The following SIL1 variants were observed in gnomAD, a reference collection of about 807,000 sequenced individuals.
SIL1 encodes the protein SIL1 nucleotide exchange factor.
A neutral mutation model predicts 49.1 loss-of-function variants in SIL1; 40 were observed. The observed-to-expected ratio is 0.81, with a 90% CI of 0.63 to 1.06. SIL1 has a LOEUF of 1.06. Ranked by LOEUF, SIL1 falls within the 50% of genes least tolerant of loss-of-function variation. SIL1 has a pLI of 0.00. For missense variants in SIL1, 500 were observed against 572.6 expected, an observed-to-expected ratio of 0.87 and a Z score of 1.29; for synonymous variants, 253 against 250.8, an observed-to-expected ratio of 1.01 and a Z score of -0.08.
intron 5 of SIL1, among the ~76,000 whole-genome samples, chr5:139,027,603 G>A (rs1270295562): frequency 9.9e-5 from 15 of 152,018 alleles, no homozygotes; most frequent in Admixed American, 7.2e-4. Flanking sequence ...CTCAAATCTC[G>A]AACAATTTTC....
At chr5:139,052,893 G>A (rs1168128149) in intron 3 of SIL1, among the ~76,000 whole-genome samples, 1 of 152,158 alleles carries the variant, frequency 6.6e-6, no homozygotes, top group Admixed American at 6.5e-5. Flanking sequence ...AACTGGAAGG[G>A]CTGTGGGGGC....
chr5:139,059,069 T>G (rs1769525568), intron 3 of SIL1, among the ~76,000 whole-genome samples: 2 of 152,178 alleles, frequency 1.3e-5, no homozygotes, highest in African/African-American at 4.8e-5. Context: ...TATATGTATA[T>G]GTACACACAC....
intron 3 of SIL1, among the ~76,000 whole-genome samples, chr5:139,057,500 A>C (rs1028940712): frequency 6.6e-6 from 1 of 151,916 alleles, no homozygotes; most frequent in African/African-American, 2.4e-5. Flanking sequence ...CCCTCCTGGC[A>C]GTCAGAGGCC....
At position 138,947,217 on chromosome 5, in the gene SIL1, T is replaced by A. The variant is rs994932069; in HGVS notation, c.1286A>T (p.Tyr429Phe). Reference sequence around the variant, plus strand: ...CAGCTCCAGGCTGGCCAGCACCTGGTACTCAGCCTGCAGGCTGGCCAGTGT... The same window carrying A: ...CAGCTCCAGGCTGGCCAGCACCTGGAACTCAGCCTGCAGGCTGGCCAGTGT... Reference protein sequence around the residue: ...GRTLASLQAEYQVLASLELQD... With the variant: ...GRTLASLQAEFQVLASLELQD... The change falls in exon 10 of 10, where the codon TAC becomes TTC. Residue 429 changes from tyrosine to phenylalanine, a missense_variant. Coordinates refer to ENST00000394817, the MANE Select transcript of SIL1 (RefSeq NM_022464.5). This position sits in a 1 kb window ranked among gnomAD's most constrained non-coding sequence, Gnocchi z 4.1. 13 of 1,613,178 alleles carry A rather than the reference T, an allele frequency of 8.1e-6. No individual in the cohort carries two copies. The Admixed American group carries it at 2.0e-4, about 25-fold the overall frequency.
intron 3 of SIL1, among the ~76,000 whole-genome samples, chr5:139,065,828 T>C (rs1361195037): frequency 1.3e-5 from 2 of 152,236 alleles, no homozygotes; most frequent in African/African-American, 4.8e-5. Context: ...CAGAAGTATA[T>C]GGAACCTCTG....
At chr5:139,095,411 G>A (rs918228531) in intron 3 of SIL1, among the ~76,000 whole-genome samples, 3 of 151,910 alleles carry the variant, frequency 2.0e-5, no homozygotes, top group South Asian at 2.1e-4. Context: ...ACAGGCGTGC[G>A]CCACCATACC....
At chr5:138,978,139 CAG>C (rs1190360456) in intron 7 of SIL1, among the ~76,000 whole-genome samples, 2 of 152,236 alleles carry the variant, frequency 1.3e-5, no homozygotes. Flanking sequence ...TGTGTATTCA[CAG>C]AGTTGTGCAA....
At chr5:139,111,777 T>G (rs1242010653) in intron 3 of SIL1, among the ~76,000 whole-genome samples, 1 of 152,060 alleles carries the variant, frequency 6.6e-6, no homozygotes, top group Non-Finnish European at 1.5e-5. Flanking sequence ...CCAGCACAGC[T>G]CCTGGTTGGA....
intron 1 of SIL1, among the ~76,000 whole-genome samples, chr5:139,180,598 A>T (rs1265493215): frequency 1.3e-5 from 2 of 152,082 alleles, no homozygotes; most frequent in Admixed American, 6.6e-5. Flanking sequence ...ACCACAATTG[A>T]TACATACAAA....
Position 139,086,030 on chromosome 5 carries a change from AG to A in SIL1, c.245-34985del, listed in dbSNP as rs371260941. The stretch of plus-strand genomic sequence containing the variant: ...GTAATCCCAACACTTTGGGAGGCCA[AG>A]GCAGGAGGATGGCTTGAGCCCAGGA... On this transcript the variant is annotated intron_variant, in intron 3 of 9. Coordinates refer to ENST00000394817, the MANE Select transcript of SIL1 (RefSeq NM_022464.5). Among the ~76,000 whole-genome samples the A allele has an allele frequency of 6.9e-4, 105 of 151,982 alleles. No individual in the cohort carries two copies. The East Asian group carries it at 0.018, about 27-fold the overall frequency.
chr5:138,993,054 C>A (rs1767790745), intron 7 of SIL1, among the ~76,000 whole-genome samples: 1 of 152,134 alleles, frequency 6.6e-6, no homozygotes, highest in Non-Finnish European at 1.5e-5. Context: ...TTTTGCTGGG[C>A]AAATAAAGTA....
chr5:139,143,126 G>A (rs1274656320), intron 1 of SIL1, among the ~76,000 whole-genome samples: 1 of 151,436 alleles, frequency 6.6e-6, no homozygotes, highest in Non-Finnish European at 1.5e-5. Flanking sequence ...GAGCAATTAG[G>A]CAAGAAAAGA....
chr5:138,955,870 C>G (rs1766891567), intron 7 of SIL1, among the ~76,000 whole-genome samples: 1 of 152,184 alleles, frequency 6.6e-6, no homozygotes, highest in South Asian at 2.1e-4. Context: ...CAGGGTCAAC[C>G]AACCGGAACA....
At chr5:139,146,747 CAT>C (rs1265210916) in intron 1 of SIL1, among the ~76,000 whole-genome samples, 1 of 152,074 alleles carries the variant, frequency 6.6e-6, no homozygotes, top group Non-Finnish European at 1.5e-5. Flanking sequence ...CTAAGATGAT[CAT>C]ATAGTTTTAC....
chr5:139,017,856 G>C (rs540646840), intron 7 of SIL1, among the ~76,000 whole-genome samples: 32 of 152,252 alleles, frequency 2.1e-4, no homozygotes, highest in Non-Finnish European at 4.6e-4. Flanking sequence ...ACTGCAGACA[G>C]ACACACACAA....
chr5:139,193,361 C>T lies in SIL1; in HGVS notation c.-11+4908G>A, dbSNP rs113545591. 8.5e-3 allele frequency among the ~76,000 whole-genome samples: 1,301 copies of T among 152,214 alleles called. 13 individuals carry two copies. Among genetic ancestry groups the T allele is most frequent in the African/African-American group, 0.028 (1,166 of 41,534 alleles). On this transcript the variant is annotated intron_variant, in intron 1 of 9. Coordinates refer to ENST00000394817, the MANE Select transcript of SIL1 (RefSeq NM_022464.5). ...GGCAGATCACTTAAGGCCAGGAGTT[C>T]AAGACCAGCCTGGCCAACATGGCAA...
intron 3 of SIL1, among the ~76,000 whole-genome samples, chr5:139,093,300 C>T (rs1301887168): frequency 6.6e-6 from 1 of 152,200 alleles, no homozygotes; most frequent in Non-Finnish European, 1.5e-5. Flanking sequence ...TAAATCTATG[C>T]TCTTTAGAAA....
intron 5 of SIL1, among the ~76,000 whole-genome samples, chr5:139,033,511 T>C (rs1237938730): frequency 6.6e-6 from 1 of 151,892 alleles, no homozygotes; most frequent in African/African-American, 2.4e-5. Flanking sequence ...AAATTTCCCT[T>C]CCAGCTTTAG....
chr5:139,098,182 G>C (rs914364189), intron 3 of SIL1, among the ~76,000 whole-genome samples: 1 of 152,182 alleles, frequency 6.6e-6, no homozygotes, highest in Non-Finnish European at 1.5e-5. Context: ...CACATTACCT[G>C]ACTTCAAATT....
Sources: gnomAD v4.1 joint callset for allele counts (sites outside exome capture counted in the v4.1 genomes callset) on GRCh38, gnomAD v4.1.1 for gene constraint, Gnocchi (gnomAD v3.1) non-coding constraint, MANE v1.5 for transcripts, NCBI Gene and HGNC (gene_info 2026-07-23, HGNC 2026-07-21) for gene names.